The following SMIM8 variants were observed in gnomAD, a reference collection of about 807,000 sequenced individuals.
SMIM8 encodes UPF0708 protein C6orf162.
In SMIM8, 8 loss-of-function variants were observed where a neutral mutation model predicts 8.1. The observed-to-expected ratio is 0.99, with a 90% CI of 0.58 to 1.78. SMIM8 has a LOEUF of 1.78. Among genes scored for constraint, SMIM8 ranks in the 40% most tolerant of loss-of-function variants. The pLI is 0.00. For synonymous variants in SMIM8, 45 were observed against 39.7 expected (o/e 1.13, Z -0.50); for missense variants, 126 against 119.8 (o/e 1.05, Z -0.24).
chr6:87,339,157 T>A (rs1197036649), intron 3 of SMIM8, among the ~76,000 whole-genome samples: 1 of 152,002 alleles, frequency 6.6e-6, no homozygotes, highest in Non-Finnish European at 1.5e-5. Context: ...TACAAAAAAA[T>A]TAGCCAGGCA....
chr6:87,329,537 C>T (rs759897638), intron 1 of SMIM8, among the ~76,000 whole-genome samples: 4 of 152,164 alleles, frequency 2.6e-5, no homozygotes, highest in South Asian at 2.1e-4. Context: ...GCAATCTACC[C>T]GCTTCGGCCT....
At position 87,325,725 on chromosome 6, in the gene SMIM8, CTCT is replaced by C. The variant is rs1426207934; in HGVS notation, c.-45+3095_-45+3097del. Among the ~76,000 whole-genome samples the C allele has an allele frequency of 2.0e-5, 3 of 152,042 alleles. No individual in the cohort carries two copies. In the East Asian group the frequency reaches 5.8e-4, roughly 29 times the overall value. On this transcript the variant is annotated intron_variant, in intron 1 of 3. Coordinates refer to ENST00000392863, the MANE Select transcript of SMIM8 (RefSeq NM_001042493.3). ...TCATCAAGGATATTGGTCTAAAATT[CTCT>C]TTTTTGGTTGTGTCTCTGCCCGGCT...
chr6:87,338,192 G>A (rs1006066433), intron 3 of SMIM8, among the ~76,000 whole-genome samples: 5 of 152,152 alleles, frequency 3.3e-5, no homozygotes, highest in African/African-American at 1.2e-4. Flanking sequence ...CTGAGTCTGT[G>A]TCCTTTCTTA....
At chr6:87,339,436 T>TG (rs1777176805) in intron 3 of SMIM8, among the ~76,000 whole-genome samples, 2 of 113,184 alleles carry the variant, frequency 1.8e-5, no homozygotes, top group East Asian at 2.6e-4. Flanking sequence ...GTGTGTGTGT[T>TG]TGTGTGTGTG....
intron 2 of SMIM8, among the ~76,000 whole-genome samples, chr6:87,332,984 C>T (rs1042884858): frequency 5.9e-5 from 9 of 152,126 alleles, no homozygotes; most frequent in Non-Finnish European, 1.2e-4. Context: ...CCTATCTTAG[C>T]CCATTTGTGT....
intron 1 of SMIM8, among the ~76,000 whole-genome samples, chr6:87,330,178 TA>T: frequency 6.6e-6 from 1 of 152,242 alleles, no homozygotes. Context: ...AGTATTAAGA[TA>T]ATGTGGCATG....
chr6:87,327,373 ATTT>A (rs1373161854), intron 1 of SMIM8, among the ~76,000 whole-genome samples: 11 of 151,632 alleles, frequency 7.3e-5, no homozygotes, highest in Non-Finnish European at 1.3e-4. Context: ...TGGTCTTTAC[ATTT>A]TGGCAATGGA....
At chr6:87,338,635 A>G (rs1217492993) in intron 3 of SMIM8, among the ~76,000 whole-genome samples, 4 of 152,172 alleles carry the variant, frequency 2.6e-5, no homozygotes, top group African/African-American at 9.7e-5. Flanking sequence ...GTCTCATTCC[A>G]ATGCCTCTCT....
chr6:87,329,952 A>G (rs546117943), intron 1 of SMIM8, among the ~76,000 whole-genome samples: 1 of 152,224 alleles, frequency 6.6e-6, no homozygotes, highest in Non-Finnish European at 1.5e-5. Flanking sequence ...GTACCTATCT[A>G]TGCAATAGAT....
At chr6:87,324,986 A>G (rs1776781091) in intron 1 of SMIM8, among the ~76,000 whole-genome samples, 1 of 151,938 alleles carries the variant, frequency 6.6e-6, no homozygotes, top group South Asian at 2.1e-4. Flanking sequence ...GGTCCTTCAC[A>G]TCCCTTGTAA....
intron 1 of SMIM8, 68 bp downstream of exon 1, chr6:87,322,700 A>G (rs935547122): frequency 1.3e-5 from 2 of 152,174 alleles, no homozygotes; most frequent in East Asian, 3.9e-4. Flanking sequence ...CGGCCGCACC[A>G]TCACGCTCCC....
chr6:87,334,434 C>CTTGTTTGT (rs75607753), intron 2 of SMIM8, among the ~76,000 whole-genome samples: 4,289 of 151,620 alleles, frequency 0.028, 83 homozygotes, highest in Non-Finnish European at 0.042. Context: ...GCTTCAGTGG[C>CTTGTTTGT]TTGTTTGTTT....
intron 1 of SMIM8, among the ~76,000 whole-genome samples, chr6:87,330,059 CTA>C (rs1046226961): frequency 1.3e-4 from 20 of 152,234 alleles, no homozygotes; most frequent in African/African-American, 4.8e-4. Context: ...TGAGGTTATG[CTA>C]TGTTTCCCCT....
intron 1 of SMIM8, among the ~76,000 whole-genome samples, chr6:87,327,234 G>A (rs1357212981): frequency 6.8e-6 from 1 of 146,814 alleles, no homozygotes; most frequent in East Asian, 2.0e-4. Flanking sequence ...TTGCCAGTCT[G>A]TGTCTTTTAA....
rs1324792088 is a variant in SMIM8, at chr6:87,340,898, A to G, written c.*624A>G. ...AAGATCCTTCCACTCAGCTACTAAA[A>G]TAAGGATTAAGAATATCCCAGAGTA... On this transcript the variant is annotated 3_prime_UTR_variant, in exon 4 of 4. Transcript: ENST00000392863. 2 of 160,180 alleles carry G rather than the reference A, an allele frequency of 1.2e-5. No homozygotes were observed. Among genetic ancestry groups the G allele is most frequent in the Admixed American group, 6.5e-5 (1 of 15,498 alleles). 9.9% of individuals were successfully genotyped at this position (160,180 alleles called of 1,614,324 possible).
rs6939602 is a variant in SMIM8 at position 87,341,570 on chromosome 6, T to C, written c.*1296T>C. The C allele has an allele frequency of 8.6e-3, 2,887 of 337,348 alleles. 70 individuals carry two copies. The highest frequency in any genetic ancestry group is 0.053 in the African/African-American group (2,507 of 47,430). 20.9% of individuals were successfully genotyped at this position (337,348 alleles called of 1,614,324 possible). On this transcript the variant is annotated 3_prime_UTR_variant, in exon 4 of 4. Coordinates refer to ENST00000392863, the MANE Select transcript of SMIM8 (RefSeq NM_001042493.3). ...ACCTCTGAAGTCTTGCTTCAGTCGC[T>C]ATTAATATTACCAAGTAATAATAAC...
chr6:87,335,113 T>C (rs967454983), intron 2 of SMIM8, among the ~76,000 whole-genome samples: 3 of 152,200 alleles, frequency 2.0e-5, no homozygotes, highest in African/African-American at 4.8e-5. Flanking sequence ...ATTGACATGA[T>C]TGCAGAGACT....
At chr6:87,336,681 G>A (rs1247805156) in intron 2 of SMIM8, among the ~76,000 whole-genome samples, 1 of 152,098 alleles carries the variant, frequency 6.6e-6, no homozygotes, top group Non-Finnish European at 1.5e-5. Flanking sequence ...ATAACCTACT[G>A]GCCTCACCTA....
chr6:87,324,613 T>C (rs1776768877), intron 1 of SMIM8, among the ~76,000 whole-genome samples: 1 of 149,860 alleles, frequency 6.7e-6, no homozygotes, highest in Admixed American at 6.7e-5. Flanking sequence ...GGCTCTGTTC[T>C]ATTCCATTGA....
Sources: allele counts gnomAD v4.1 joint callset (sites outside exome capture counted in the v4.1 genomes callset), GRCh38; gene constraint gnomAD v4.1.1; transcripts MANE v1.5; gene names NCBI Gene and HGNC (gene_info 2026-07-23, HGNC 2026-07-21).